Variants in SPOCK3 observed in about 807,000 individuals in gnomAD.
SPOCK3 encodes testican-3.
SPOCK3 carries 30 observed loss-of-function variants against 56.6 expected under a neutral mutation model. That is an observed-to-expected ratio of 0.53 (90% CI 0.40 to 0.72). The LOEUF is 0.72. SPOCK3 is among the 30% of genes least tolerant of loss of function. SPOCK3 has a pLI of 0.00. For synonymous variants in SPOCK3, 196 were observed against 183.3 expected, an observed-to-expected ratio of 1.07 and a Z score of -0.56; for missense variants, 527 against 530.0, an observed-to-expected ratio of 0.99 and a Z score of 0.06.
At chr4:166,993,902 C>G (rs1429003752) in intron 4 of SPOCK3, among the ~76,000 whole-genome samples, 1 of 152,028 alleles carries the variant, frequency 6.6e-6, no homozygotes, top group Admixed American at 6.6e-5. Context: ...CTTTAATTCT[C>G]ACAAAAACAG....
chr4:167,205,400 A>AATATATATTATATATT (rs1554053280), intron 2 of SPOCK3, among the ~76,000 whole-genome samples: 1 of 41,902 alleles, frequency 2.4e-5, no homozygotes, highest in African/African-American at 1.1e-4. Flanking sequence ...TTTTATATAT[A>AATATATATTATATATT]ATATATTATA....
chr4:167,214,244 T>C (rs1561331867), intron 2 of SPOCK3, among the ~76,000 whole-genome samples: 1 of 152,180 alleles, frequency 6.6e-6, no homozygotes, highest in East Asian at 1.9e-4. Flanking sequence ...TTGTTGTTAC[T>C]ACTGTTTTTA....
At chr4:166,944,731 A>AT (rs70955701) in intron 4 of SPOCK3, among the ~76,000 whole-genome samples, 24,070 of 152,010 alleles carry the variant, frequency 0.16, 2,741 homozygotes, top group African/African-American at 0.33. Flanking sequence ...GTGGCTCATA[A>AT]TTTATTTTTT....
chr4:166,999,180 C>T lies in SPOCK3; in HGVS notation c.350+1169G>A, dbSNP rs77511674. The stretch of plus-strand genomic sequence containing the variant: ...TCTCCTACTCCCTCTCTCTGTTCCA[C>T]GAGTACATTATTGATATACCATGAT... On this transcript the variant is annotated intron_variant, in intron 4 of 10. Coordinates refer to ENST00000357545, the MANE Select transcript of SPOCK3 (RefSeq NM_001040159.2). Among the ~76,000 whole-genome samples, 1,007 of 152,252 alleles carry T rather than the reference C, an allele frequency of 6.6e-3. 13 individuals carry two copies. Among genetic ancestry groups the T allele is most frequent in the African/African-American group, 0.023 (951 of 41,556 alleles).
chr4:167,178,025 C>T lies in SPOCK3; in HGVS notation c.189+55960G>A, dbSNP rs544670330. 3.9e-5 allele frequency among the ~76,000 whole-genome samples: 6 copies of T among 152,256 alleles called. No homozygotes were observed. The East Asian group carries it at 9.7e-4, about 25-fold the overall frequency. On this transcript the variant is annotated intron_variant, in intron 2 of 10. Transcript: ENST00000357545. ...CAATAACTCACCAAAGGTCACTCAGCTATGTGCAAAGCAGGAACTGAACCC... is the reference window on the plus strand; with the variant it reads ...CAATAACTCACCAAAGGTCACTCAGTTATGTGCAAAGCAGGAACTGAACCC...
intron 4 of SPOCK3, among the ~76,000 whole-genome samples, chr4:166,946,368 G>A (rs1741747956): frequency 6.6e-6 from 1 of 152,098 alleles, no homozygotes; most frequent in Non-Finnish European, 1.5e-5. Flanking sequence ...ATTTTTCAGA[G>A]CACATCTAAT....
chr4:166,957,181 G>A (rs1743596013), intron 4 of SPOCK3, among the ~76,000 whole-genome samples: 1 of 152,188 alleles, frequency 6.6e-6, no homozygotes, highest in African/African-American at 2.4e-5. Flanking sequence ...TTGAGCCTAG[G>A]AGGCAGAAGT....
intron 6 of SPOCK3, among the ~76,000 whole-genome samples, chr4:166,814,967 T>TA: frequency 6.6e-6 from 1 of 152,222 alleles, no homozygotes; most frequent in East Asian, 1.9e-4. Flanking sequence ...TGATGGCTGA[T>TA]ATCATTGCTA....
At chr4:167,166,926 T>G (rs895977398) in intron 2 of SPOCK3, among the ~76,000 whole-genome samples, 1 of 152,164 alleles carries the variant, frequency 6.6e-6, no homozygotes, top group Admixed American at 6.6e-5. Context: ...ATTACACTTA[T>G]AGTGGAGTTC....
chr4:166,766,171 C>T (rs565433934), intron 7 of SPOCK3, among the ~76,000 whole-genome samples: 1 of 152,226 alleles, frequency 6.6e-6, no homozygotes, highest in Middle Eastern at 3.4e-3. Flanking sequence ...TAATTGAATA[C>T]CCTTTATTTC....
intron 2 of SPOCK3, among the ~76,000 whole-genome samples, chr4:167,189,127 A>G (rs753945603): frequency 1.4e-5 from 2 of 146,028 alleles, no homozygotes; most frequent in Non-Finnish European, 3.0e-5. Context: ...ACACATTACA[A>G]GAAAACTACA....
rs145223790 is a variant in SPOCK3, at chr4:166,992,349, C to G, written c.350+8000G>C. Among the ~76,000 whole-genome samples, 475 of 152,248 alleles carry G rather than the reference C, an allele frequency of 3.1e-3. 11 individuals carry two copies. In the East Asian group the frequency reaches 0.055, roughly 18 times the overall value. On this transcript the variant is annotated intron_variant, in intron 4 of 10. Coordinates refer to ENST00000357545, the MANE Select transcript of SPOCK3 (RefSeq NM_001040159.2). ...TAAAGAAGTTTTAAAATTGCTATCA[C>G]TGACATCACCTATGTATAATATTTT...
At chr4:166,980,271 A>G (rs1863783) in intron 4 of SPOCK3, among the ~76,000 whole-genome samples, 99,023 of 152,196 alleles carry the variant, frequency 0.65, 34,015 homozygotes, top group East Asian at 0.84. Flanking sequence ...GCATGCCTAG[A>G]ATATCTGGCA....
rs540117121 is a variant in SPOCK3 at position 166,787,951 on chromosome 4, G to A, written c.709+4219C>T. Among the ~76,000 whole-genome samples the A allele has an allele frequency of 4.6e-5, 7 of 152,264 alleles. No individual in the cohort carries two copies. In the South Asian group the frequency reaches 8.3e-4, roughly 18 times the overall value. ...AATCCCAGCACTTGGGGAGGCTGAG[G>A]TGGGCGGATCACCTGAGGTCAGGAG... On this transcript the variant is annotated intron_variant, in intron 7 of 10. Coordinates refer to ENST00000357545, the MANE Select transcript of SPOCK3 (RefSeq NM_001040159.2).
At chr4:167,214,424 G>A (rs147429394) in intron 2 of SPOCK3, among the ~76,000 whole-genome samples, 4 of 151,876 alleles carry the variant, frequency 2.6e-5, no homozygotes, top group Non-Finnish European at 4.4e-5. Flanking sequence ...ACAGTTTAGC[G>A]AGAAATTATG....
intron 4 of SPOCK3, among the ~76,000 whole-genome samples, chr4:166,997,731 AAGCAAT>A (rs1197566157): frequency 1.3e-5 from 2 of 152,152 alleles, no homozygotes; most frequent in African/African-American, 4.8e-5. Context: ...TGAAATTCTA[AAGCAAT>A]GGAGAAATGA....
intron 4 of SPOCK3, among the ~76,000 whole-genome samples, chr4:166,948,169 T>A (rs930212543): frequency 1.3e-5 from 2 of 152,208 alleles, no homozygotes; most frequent in Non-Finnish European, 2.9e-5. Flanking sequence ...TCCAGTTTCA[T>A]CCCTGTTATT....
Position 167,021,215 on chromosome 4 carries a change from A to C in SPOCK3, c.236-20752T>G, listed in dbSNP as rs1487748219. ...AGATATTTACTATTTACTATAGCAA[A>C]AACATAGAAAATATTAACACAAAGT... On this transcript the variant is annotated intron_variant, in intron 3 of 10. Coordinates refer to ENST00000357545, the MANE Select transcript of SPOCK3 (RefSeq NM_001040159.2). Among the ~76,000 whole-genome samples, 3 of 152,212 alleles carry C rather than the reference A, an allele frequency of 2.0e-5. No homozygotes were observed. In the East Asian group the frequency reaches 5.8e-4, roughly 29 times the overall value.
chr4:166,908,135 A>T (rs191884107), intron 5 of SPOCK3, among the ~76,000 whole-genome samples: 100 of 152,154 alleles, frequency 6.6e-4, no homozygotes, highest in African/African-American at 2.4e-3. Context: ...AGAGAAAGTA[A>T]GAACATGCCT....
Sources: gnomAD v4.1 joint callset for allele counts (sites outside exome capture counted in the v4.1 genomes callset) on GRCh38, gnomAD v4.1.1 for gene constraint, MANE v1.5 for transcripts, NCBI Gene and HGNC (gene_info 2026-07-23, HGNC 2026-07-21) for gene names.